Variants in MAGI2 observed in about 807,000 individuals in gnomAD.
MAGI2 encodes the protein membrane-associated guanylate kinase, WW and PDZ domain-containing protein 2.
MAGI2 carries 35 observed loss-of-function variants against 133.3 expected under a neutral mutation model. The ratio of observed to expected loss-of-function variants is 0.26; its 90% CI spans 0.20 to 0.35. The LOEUF is 0.35. Ranked by LOEUF, MAGI2 falls within the 10% of genes least tolerant of loss-of-function variation. The pLI is 1.00. For synonymous variants in MAGI2, 729 were observed against 710.6 expected, an observed-to-expected ratio of 1.03 and a Z score of -0.41; for missense variants, 1,636 against 1,863.4, an observed-to-expected ratio of 0.88 and a Z score of 2.25.
chr7:79,031,015 G>C (rs182394252), intron 1 of MAGI2, among the ~76,000 whole-genome samples: 24 of 152,150 alleles, frequency 1.6e-4, no homozygotes, highest in Admixed American at 1.6e-3. Flanking sequence ...TTATACATCT[G>C]AACAACTAGC....
At chr7:78,233,659 A>G (rs757576863) in intron 10 of MAGI2, among the ~76,000 whole-genome samples, 3 of 152,160 alleles carry the variant, frequency 2.0e-5, no homozygotes, top group African/African-American at 4.8e-5. Context: ...AAGTTCTTAA[A>G]GAATGGGATA....
At chr7:79,390,134 C>T (rs1471521825) in intron 1 of MAGI2, among the ~76,000 whole-genome samples, 3 of 152,058 alleles carry the variant, frequency 2.0e-5, no homozygotes, top group South Asian at 2.1e-4. Context: ...AGGAGTTTCC[C>T]ATATGGCCAC....
At chr7:79,034,890 T>C (rs1379299481) in intron 1 of MAGI2, among the ~76,000 whole-genome samples, 2 of 152,240 alleles carry the variant, frequency 1.3e-5, no homozygotes, top group African/African-American at 4.8e-5. Flanking sequence ...TAATTTTGTA[T>C]TAACTTCAAG....
At chr7:78,393,340 G>T (rs1426629886) in intron 6 of MAGI2, among the ~76,000 whole-genome samples, 1 of 152,202 alleles carries the variant, frequency 6.6e-6, no homozygotes, top group African/African-American at 2.4e-5. Flanking sequence ...CAACAGTGGA[G>T]AATGTTTTCT....
chr7:78,665,140 G>C (rs1476098376), intron 2 of MAGI2, among the ~76,000 whole-genome samples: 4 of 151,946 alleles, frequency 2.6e-5, no homozygotes, highest in African/African-American at 4.8e-5. Context: ...GGTCAAATTT[G>C]TATACATATC....
At chr7:79,196,919 C>T (rs1828135258) in intron 1 of MAGI2, among the ~76,000 whole-genome samples, 1 of 151,770 alleles carries the variant, frequency 6.6e-6, no homozygotes, top group South Asian at 2.1e-4. Context: ...AGGCTCACAC[C>T]ACCATGCCTA....
intron 11 of MAGI2, among the ~76,000 whole-genome samples, chr7:78,197,257 T>C (rs1287339274): frequency 6.6e-6 from 1 of 152,240 alleles, no homozygotes; most frequent in East Asian, 1.9e-4. Flanking sequence ...TCACTTTAGC[T>C]GACTTTAGGC....
At chr7:79,365,950 A>G (rs1412964373) in intron 1 of MAGI2, among the ~76,000 whole-genome samples, 1 of 101,946 alleles carries the variant, frequency 9.8e-6, no homozygotes, top group Non-Finnish European at 2.1e-5. Context: ...AGGTTGAGTG[A>G]AAAAAAAAAA....
Position 79,112,949 on chromosome 7 carries a change from T to C in MAGI2, c.302-105743A>G, listed in dbSNP as rs183777067. Among the ~76,000 whole-genome samples, 29 of 152,320 alleles carry C rather than the reference T, an allele frequency of 1.9e-4. 2 individuals are homozygous for C. The East Asian group carries it at 5.6e-3, about 29-fold the overall frequency. The stretch of plus-strand genomic sequence containing the variant: ...GATAGTTAAACTAATATTTATTTAG[T>C]ACATGAACTTTAAACATTGGGAACA... On this transcript the variant is annotated intron_variant, in intron 1 of 21. Transcript: ENST00000354212.
intron 6 of MAGI2, among the ~76,000 whole-genome samples, chr7:78,448,869 GAC>G (rs1286150346): frequency 1.3e-5 from 2 of 151,956 alleles, no homozygotes; most frequent in African/African-American, 4.8e-5. Flanking sequence ...GATAACTAAA[GAC>G]AAGCTTTATC....
At chr7:78,142,502 A>T (rs1179860919) in intron 16 of MAGI2, among the ~76,000 whole-genome samples, 1 of 152,056 alleles carries the variant, frequency 6.6e-6, no homozygotes, top group East Asian at 1.9e-4. Context: ...TGTTAAGTAT[A>T]CTCTTACTTT....
chr7:79,064,578 C>T (rs2117097723), intron 1 of MAGI2, among the ~76,000 whole-genome samples: 1 of 152,168 alleles, frequency 6.6e-6, no homozygotes, highest in East Asian at 1.9e-4. Context: ...ATGTATTATA[C>T]ACATAGAACC....
chr7:78,776,276 T>C (rs1825979620), intron 2 of MAGI2, among the ~76,000 whole-genome samples: 1 of 152,242 alleles, frequency 6.6e-6, no homozygotes, highest in South Asian at 2.1e-4. Flanking sequence ...TACATAGCTT[T>C]CAGGTAGTTT....
At chr7:79,335,191 C>T (rs967274713) in intron 1 of MAGI2, among the ~76,000 whole-genome samples, 4 of 152,112 alleles carry the variant, frequency 2.6e-5, no homozygotes, top group African/African-American at 9.7e-5. Flanking sequence ...CAACATAAAT[C>T]ACCTTTTCTT....
chr7:79,431,009 C>A (rs1847740118), intron 1 of MAGI2, among the ~76,000 whole-genome samples: 1 of 152,156 alleles, frequency 6.6e-6, no homozygotes, highest in African/African-American at 2.4e-5. Context: ...CTATTCTTTT[C>A]TTTCCCTTTC....
intron 11 of MAGI2, among the ~76,000 whole-genome samples, chr7:78,199,663 C>T (rs1829054457): frequency 1.3e-5 from 2 of 152,200 alleles, no homozygotes; most frequent in South Asian, 2.1e-4. Context: ...CTGGTAGATA[C>T]ATGGAAGACA....
intron 1 of MAGI2, among the ~76,000 whole-genome samples, chr7:79,124,324 G>C (rs1281407221): frequency 6.6e-6 from 1 of 152,002 alleles, no homozygotes; most frequent in African/African-American, 2.4e-5. Flanking sequence ...TATGTGCCTG[G>C]GATATGCTTT....
intron 1 of MAGI2, among the ~76,000 whole-genome samples, chr7:79,037,475 T>C (rs1209987061): frequency 2.6e-5 from 4 of 152,168 alleles, no homozygotes; most frequent in Non-Finnish European, 4.4e-5. Context: ...CTCTGTATGC[T>C]GTGGGCTTCA....
chr7:78,382,351 A>C (rs78321284), intron 6 of MAGI2, among the ~76,000 whole-genome samples: 94 of 97,658 alleles, frequency 9.6e-4, no homozygotes, highest in African/African-American at 2.9e-3. Context: ...TCTCTTATTC[A>C]AAAAAAAAAT....
Sources: allele counts gnomAD v4.1 joint callset (sites outside exome capture counted in the v4.1 genomes callset), GRCh38; gene constraint gnomAD v4.1.1; transcripts MANE v1.5; gene names NCBI Gene and HGNC (gene_info 2026-07-23, HGNC 2026-07-21).